LINC00305: variants seen among roughly 807,000 people sequenced by gnomAD.
The protein encoded by LINC00305 is long independently transcribed non-coding RNA 305.
intron 3 of LINC00305, among the ~76,000 whole-genome samples, chr18:64,081,325 C>A (rs80341128): frequency 1.6e-3 from 238 of 152,280 alleles, no homozygotes; most frequent in African/African-American, 5.5e-3. Flanking sequence ...TCATTTCAAT[C>A]TAAATCAAAT....
chr18:64,102,391 A>G (rs2051270778), intron 1 of LINC00305, among the ~76,000 whole-genome samples: 1 of 152,202 alleles, frequency 6.6e-6, no homozygotes, highest in Admixed American at 6.5e-5. Context: ...ATAAGTAGAC[A>G]TTTAGAATGT....
intron 1 of LINC00305, among the ~76,000 whole-genome samples, chr18:64,144,890 G>A (rs1232638480): frequency 6.6e-6 from 1 of 152,126 alleles, no homozygotes; most frequent in African/African-American, 2.4e-5. Flanking sequence ...TCCCAGAAAA[G>A]CAGATGTTCA....
At position 64,143,763 on chromosome 18, in the gene LINC00305, ATAT is replaced by A. The variant is rs896800121; in HGVS notation, n.314+5009_314+5011del. On this transcript the variant is annotated intron_variant and non_coding_transcript_variant, in intron 1 of 3. Coordinates refer to ENST00000666468, the Ensembl canonical transcript of LINC00305. ...ATATTATGCGTACATGTATGTACAC[ATAT>A]TATGCGTACATGTATGTACACATAT... is the stretch of plus-strand genomic sequence containing the variant. Among the ~76,000 whole-genome samples, 34 of 141,454 alleles carry A rather than the reference ATAT, an allele frequency of 2.4e-4. 2 individuals are homozygous for A. Among genetic ancestry groups the A allele is most frequent in the Non-Finnish European group, 4.4e-4 (27 of 61,068 alleles). The allele number at this position is 141,454 out of a possible 152,430, so 92.8% of individuals were successfully genotyped here.
intron 1 of LINC00305, among the ~76,000 whole-genome samples, chr18:64,110,474 C>T (rs1250997805): frequency 6.6e-6 from 1 of 152,118 alleles, no homozygotes; most frequent in South Asian, 2.1e-4. Flanking sequence ...TTCTACTAGA[C>T]TGACAGTACT....
rs111766442 is a variant in LINC00305 at position 64,105,998 on chromosome 18, C to A, written n.315-7358G>T. 4.2e-4 allele frequency among the ~76,000 whole-genome samples: 64 copies of A among 152,368 alleles called. 2 individuals are homozygous for A. Among genetic ancestry groups the A allele is most frequent in the African/African-American group, 1.5e-3 (61 of 41,580 alleles). On this transcript the variant is annotated intron_variant and non_coding_transcript_variant, in intron 1 of 3. Transcript: ENST00000666468. Reference sequence around the variant, plus strand: ...CTGGGTGCTACCCTTTGCAGGAATGCATGTAACATTGTTTCCAATGACATT... The same window carrying A: ...CTGGGTGCTACCCTTTGCAGGAATGAATGTAACATTGTTTCCAATGACATT...
At chr18:64,128,781 A>C (rs773982443) in intron 1 of LINC00305, among the ~76,000 whole-genome samples, 1 of 152,114 alleles carries the variant, frequency 6.6e-6, no homozygotes. Flanking sequence ...CCGGTCAAAG[A>C]ACCTCCCTCA....
intron 3 of LINC00305, among the ~76,000 whole-genome samples, chr18:64,089,998 G>A (rs2051218648): frequency 6.6e-6 from 1 of 152,158 alleles, no homozygotes; most frequent in Non-Finnish European, 1.5e-5. Flanking sequence ...TTTCCAGACA[G>A]GCACACAATA....
intron 1 of LINC00305, among the ~76,000 whole-genome samples, chr18:64,147,709 G>A (rs554956393): frequency 6.6e-6 from 1 of 152,172 alleles, no homozygotes; most frequent in South Asian, 2.1e-4. Flanking sequence ...CATTGCACTG[G>A]GATGCAAAGG....
At chr18:64,108,981 G>A (rs1260396241) in intron 1 of LINC00305, among the ~76,000 whole-genome samples, 1 of 152,172 alleles carries the variant, frequency 6.6e-6, no homozygotes, top group Non-Finnish European at 1.5e-5. Context: ...ATGTGGAGGA[G>A]GAGAAAGCTC....
At chr18:64,141,704 C>T (rs914189418) in intron 1 of LINC00305, among the ~76,000 whole-genome samples, 4 of 152,198 alleles carry the variant, frequency 2.6e-5, no homozygotes, top group African/African-American at 9.7e-5. Context: ...TGTACTGGAA[C>T]TATTGTCCTT....
intron 1 of LINC00305, among the ~76,000 whole-genome samples, chr18:64,127,707 C>A (rs1382933234): frequency 2.0e-5 from 3 of 152,082 alleles, no homozygotes; most frequent in Non-Finnish European, 4.4e-5. Flanking sequence ...TGGAAGCCAG[C>A]CCAATGGACC....
chr18:64,085,196 ACATTG>A lies in LINC00305; in HGVS notation n.541-4799_541-4795del, dbSNP rs1425852028. 7.9e-5 allele frequency among the ~76,000 whole-genome samples: 12 copies of A among 152,306 alleles called. No individual in the cohort carries two copies. The South Asian group carries it at 2.1e-3, about 26-fold the overall frequency. ...GAAGGCCCCTTTCATCCCTTTCATT[ACATTG>A]CTTATTCATTAAGCCAAACACATAC... On this transcript the variant is annotated intron_variant and non_coding_transcript_variant, in intron 3 of 3. Transcript: ENST00000666468.
At chr18:64,088,543 G>A (rs143950247) in intron 3 of LINC00305, among the ~76,000 whole-genome samples, 88 of 152,326 alleles carry the variant, frequency 5.8e-4, no homozygotes, top group African/African-American at 2.1e-3. Flanking sequence ...TCAGTAAGTG[G>A]TAGAGCCAGG....
At chr18:64,112,601 C>T (rs1000097081) in intron 1 of LINC00305, among the ~76,000 whole-genome samples, 4 of 152,140 alleles carry the variant, frequency 2.6e-5, no homozygotes, top group Admixed American at 2.6e-4. Flanking sequence ...AGATTCTATA[C>T]TTACGGATTG....
intron 1 of LINC00305, among the ~76,000 whole-genome samples, chr18:64,148,143 C>A (rs2051507098): frequency 6.6e-6 from 1 of 152,046 alleles, no homozygotes; most frequent in Admixed American, 6.6e-5. Context: ...GATCTCCACC[C>A]AACCTCAAAT....
At chr18:64,127,385 A>T (rs1375105293) in intron 1 of LINC00305, 1 of 152,104 alleles carries the variant, frequency 6.6e-6, no homozygotes, top group Non-Finnish European at 1.5e-5. Flanking sequence ...TATCTTGCAG[A>T]TGAAACTCTG....
At chr18:64,099,157 A>T (rs1463436228) in intron 1 of LINC00305, among the ~76,000 whole-genome samples, 1 of 152,122 alleles carries the variant, frequency 6.6e-6, no homozygotes, top group African/African-American at 2.4e-5. Context: ...TAAAAAGCAG[A>T]TATTCCTTAT....
chr18:64,111,160 T>G (rs2051313037), intron 1 of LINC00305, among the ~76,000 whole-genome samples: 1 of 152,218 alleles, frequency 6.6e-6, no homozygotes, highest in Non-Finnish European at 1.5e-5. Context: ...TTTGCATACT[T>G]TAACACTTAT....
chr18:64,100,354 T>A (rs1281406943), intron 1 of LINC00305, among the ~76,000 whole-genome samples: 1 of 152,186 alleles, frequency 6.6e-6, no homozygotes, highest in Non-Finnish European at 1.5e-5. Context: ...ATGAAACTTC[T>A]TGAAAGTATG....
Sources: allele counts gnomAD v4.1 joint callset (sites outside exome capture counted in the v4.1 genomes callset), GRCh38; gene constraint gnomAD v4.1.1; transcripts MANE v1.5; gene names NCBI Gene and HGNC (gene_info 2026-07-23, HGNC 2026-07-21).